The following CSMD1 variants were observed in gnomAD, a reference collection of about 807,000 sequenced individuals.
CSMD1 encodes CUB and sushi domain-containing protein 1.
A neutral mutation model predicts 417.5 loss-of-function variants in CSMD1; 213 were observed. That is an observed-to-expected ratio of 0.51 (90% CI 0.46 to 0.57). CSMD1 has a LOEUF of 0.57. CSMD1 is among the 20% of genes least tolerant of loss of function. The pLI is 0.00. For synonymous variants in CSMD1, 2,862 were observed against 1,736.8 expected (o/e 1.65, Z -16.11); for missense variants, 6,923 against 4,529.7 (o/e 1.53, Z -15.17).
intron 10 of CSMD1, among the ~76,000 whole-genome samples, chr8:3,548,703 A>ACACACACACCC: frequency 1.1e-5 from 1 of 91,166 alleles, no homozygotes; most frequent in African/African-American, 4.3e-5. Flanking sequence ...CACACACACC[A>ACACACACACCC]TGGTTTCTTT....
intron 15 of CSMD1, among the ~76,000 whole-genome samples, chr8:3,401,207 T>A (rs768497325): frequency 1.3e-5 from 2 of 152,032 alleles, no homozygotes; most frequent in Non-Finnish European, 2.9e-5. Context: ...AGATGCAGAA[T>A]TCCAAAAAAA....
chr8:4,063,471 T>A (rs1408963956), intron 3 of CSMD1, among the ~76,000 whole-genome samples: 2 of 152,180 alleles, frequency 1.3e-5, no homozygotes, highest in Non-Finnish European at 2.9e-5. Flanking sequence ...ATATACCATG[T>A]CTTATATGCG....
At chr8:3,311,248 T>C (rs13268043) in intron 23 of CSMD1, among the ~76,000 whole-genome samples, 7,567 of 152,190 alleles carry the variant, frequency 0.05, 279 homozygotes, top group East Asian at 0.15. Context: ...CCACTACTAA[T>C]AACAAACAAC....
At chr8:4,371,790 T>C (rs1802411570) in intron 3 of CSMD1, among the ~76,000 whole-genome samples, 1 of 152,228 alleles carries the variant, frequency 6.6e-6, no homozygotes, top group Non-Finnish European at 1.5e-5. Flanking sequence ...GTTTTTTAAT[T>C]CATGTTGTTG....
At chr8:3,986,330 G>T (rs938837965) in intron 5 of CSMD1, among the ~76,000 whole-genome samples, 1 of 152,126 alleles carries the variant, frequency 6.6e-6, no homozygotes, top group Non-Finnish European at 1.5e-5. Flanking sequence ...CTTCTAGGGT[G>T]TTCATTGAAA....
chr8:4,363,488 A>G (rs1801894971), intron 3 of CSMD1, among the ~76,000 whole-genome samples: 1 of 152,100 alleles, frequency 6.6e-6, no homozygotes, highest in African/African-American at 2.4e-5. Context: ...TCTCTGGAGG[A>G]GGAAAAGCAT....
rs10682206 is a variant in CSMD1 at position 4,212,174 on chromosome 8, T to TTATATATATA, written c.416-180085_416-180076dup. 5.7e-3 allele frequency among the ~76,000 whole-genome samples: 837 copies of TTATATATATA among 145,720 alleles called. 5 individuals are homozygous for TTATATATATA. The highest frequency in any genetic ancestry group is 0.02 in the African/African-American group (811 of 40,020). Reference sequence around the variant, plus strand: ...AAAAAAGACTCTGTCACTTCCCTATTTATATATATATATATATATATTATT... The same window carrying TTATATATATA: ...AAAAAAGACTCTGTCACTTCCCTATTTATATATATATATATATATATATATATATATTATT... On this transcript the variant is annotated intron_variant, in intron 3 of 69. Coordinates refer to ENST00000635120, the MANE Select transcript of CSMD1 (RefSeq NM_033225.6).
At chr8:3,676,909 A>G (rs1221830093) in intron 7 of CSMD1, among the ~76,000 whole-genome samples, 1 of 152,032 alleles carries the variant, frequency 6.6e-6, no homozygotes, top group Non-Finnish European at 1.5e-5. Flanking sequence ...AAGAACAGAA[A>G]ACCAAACACC....
chr8:4,795,216 A>C (rs1797909429), intron 1 of CSMD1, among the ~76,000 whole-genome samples: 1 of 143,778 alleles, frequency 7.0e-6, no homozygotes, highest in Non-Finnish European at 1.5e-5. Context: ...ATTGAGGTGC[A>C]ATCAGAACAC....
intron 2 of CSMD1, among the ~76,000 whole-genome samples, chr8:4,420,470 AC>A (rs1797185775): frequency 1.3e-5 from 2 of 151,940 alleles, no homozygotes; most frequent in South Asian, 4.2e-4. Flanking sequence ...GCACCTCTCA[AC>A]CCATCACGTC....
chr8:3,778,522 C>A (rs543583426), intron 5 of CSMD1, among the ~76,000 whole-genome samples: 1 of 152,340 alleles, frequency 6.6e-6, no homozygotes, highest in African/African-American at 2.4e-5. Flanking sequence ...TCTACAAGAA[C>A]GCTGCCCGTG....
At position 3,105,782 on chromosome 8, in the gene CSMD1, G is replaced by A. The variant is rs1334924561; in HGVS notation, c.6949+746C>T. On this transcript the variant is annotated intron_variant, in intron 46 of 69. Coordinates refer to ENST00000635120, the MANE Select transcript of CSMD1 (RefSeq NM_033225.6). ...CGAAATGATATTCAAAATTTGCCTT[G>A]AAATGCATCAAAAATATAGCGTAGC... Among the ~76,000 whole-genome samples the A allele has an allele frequency of 2.0e-5, 3 of 152,190 alleles. 1 individual carries two copies. The highest frequency in any genetic ancestry group is 7.2e-5 in the African/African-American group (3 of 41,450).
At chr8:3,853,730 G>C (rs893627798) in intron 5 of CSMD1, among the ~76,000 whole-genome samples, 2 of 151,846 alleles carry the variant, frequency 1.3e-5, no homozygotes. Context: ...GGGGTGGGGG[G>C]AGCAGGGAAG....
intron 10 of CSMD1, among the ~76,000 whole-genome samples, chr8:3,542,182 T>G (rs1357589151): frequency 6.6e-6 from 1 of 151,956 alleles, no homozygotes; most frequent in East Asian, 1.9e-4. Context: ...AAACTAAGAG[T>G]CTTGCTTGAC....
intron 25 of CSMD1, among the ~76,000 whole-genome samples, chr8:3,305,984 A>T (rs1563251409): frequency 6.6e-6 from 1 of 151,930 alleles, no homozygotes; most frequent in Non-Finnish European, 1.5e-5. Context: ...CCGGCCCCAC[A>T]GTCTGTAATA....
At chr8:3,661,126 G>C (rs1424648215) in intron 7 of CSMD1, among the ~76,000 whole-genome samples, 1 of 152,180 alleles carries the variant, frequency 6.6e-6, no homozygotes, top group Non-Finnish European at 1.5e-5. Context: ...ACTAAATATA[G>C]CCTGAGGAGA....
chr8:4,025,327 A>T (rs1797006220), intron 4 of CSMD1, among the ~76,000 whole-genome samples: 1 of 152,220 alleles, frequency 6.6e-6, no homozygotes, highest in Non-Finnish European at 1.5e-5. Context: ...TTTTCCAGTC[A>T]GGAAGAATAC....
Position 3,110,300 on chromosome 8 carries a change from T to G in CSMD1, c.6466A>C (p.Thr2156Pro), listed in dbSNP as rs767658291. Residue 2156 changes from threonine (T) to proline (P), a missense_variant, in exon 43 of 70, where the codon ACC becomes CCC. Coordinates refer to ENST00000635120, the MANE Select transcript of CSMD1 (RefSeq NM_033225.6). ...TCAGGAAAGCCAGGGGAGTAGATGG[T>G]GCCGTTCTGAGAAGTTACGTTGTAC... ...CGYNVTSQNG[T>P]IYSPGFPDEY... The G allele has an allele frequency of 6.2e-7, 1 of 1,613,140 alleles. No homozygotes were observed. The highest frequency in any genetic ancestry group is 1.3e-5 in the African/African-American group (1 of 75,012).
At chr8:4,455,690 G>C (rs12335308) in intron 2 of CSMD1, among the ~76,000 whole-genome samples, 35,211 of 151,522 alleles carry the variant, frequency 0.23, 4,314 homozygotes, top group East Asian at 0.35. Context: ...CAGCACTTTG[G>C]GAGGCCGAAG....
Sources: allele counts gnomAD v4.1 joint callset (sites outside exome capture counted in the v4.1 genomes callset), GRCh38; gene constraint gnomAD v4.1.1; transcripts MANE v1.5; gene names NCBI Gene and HGNC (gene_info 2026-07-23, HGNC 2026-07-21).